PREX2: variants seen among roughly 807,000 people sequenced by gnomAD.
PREX2 encodes phosphatidylinositol 3,4,5-trisphosphate-dependent Rac exchanger 2 protein.
In PREX2, 107 loss-of-function variants were observed where a neutral mutation model predicts 203.2. That is an observed-to-expected ratio of 0.53 (90% CI 0.45 to 0.62). The LOEUF (loss-of-function observed/expected upper bound fraction) is 0.62, where lower values mean the gene tolerates loss of function less well. PREX2 is among the 20% of genes least tolerant of loss of function. The pLI is 0.00. For missense variants in PREX2, 1,777 were observed against 1,955.9 expected (o/e 0.91, Z 1.72); for synonymous variants, 672 against 663.6 (o/e 1.01, Z -0.19).
rs560967124 is a variant in PREX2, at chr8:68,154,505, A to G, written c.4232-2817A>G. ...GCTTTCCAGCTGTTAAGAGTAATTTATCTTGAAGTATGACTATTGACAGAC... is the reference window on the plus strand; with the variant it reads ...GCTTTCCAGCTGTTAAGAGTAATTTGTCTTGAAGTATGACTATTGACAGAC... On this transcript the variant is annotated intron_variant, in intron 34 of 39. Transcript: ENST00000288368. Among the ~76,000 whole-genome samples the G allele has an allele frequency of 2.4e-4, 37 of 152,368 alleles. 1 individual carries two copies. The highest frequency in any genetic ancestry group is 8.9e-4 in the African/African-American group (37 of 41,590).
At position 68,026,523 on chromosome 8, in the gene PREX2, T is replaced by A. The variant is rs78141690; in HGVS notation, c.442-699T>A. On this transcript the variant is annotated intron_variant, in intron 4 of 39. Transcript: ENST00000288368. Reference sequence around the variant, plus strand: ...TTTATGAAGGTAAAGGCTTTTTTTTTATCAGAGTCAGTTTTCTCTTGACCA... The same window carrying A: ...TTTATGAAGGTAAAGGCTTTTTTTTAATCAGAGTCAGTTTTCTCTTGACCA... Among the ~76,000 whole-genome samples the A allele has an allele frequency of 1.3e-3, 196 of 152,186 alleles. 5 individuals are homozygous for A. In the East Asian group the frequency reaches 0.031, roughly 24 times the overall value.
intron 23 of PREX2, chr8:68,103,474 T>G (rs1024382750): frequency 1.4e-5 from 7 of 501,166 alleles, no homozygotes; most frequent in Non-Finnish European, 2.8e-5. Flanking sequence ...AATTGTTTAT[T>G]CGTGTCAGCG....
intron 21 of PREX2, among the ~76,000 whole-genome samples, chr8:68,094,187 A>G (rs1809983522): frequency 1.3e-5 from 2 of 152,242 alleles, no homozygotes; most frequent in Admixed American, 6.5e-5. Flanking sequence ...ACTGAAATAC[A>G]GAATCTCAGC....
chr8:68,021,131 C>T (rs1260094805), intron 3 of PREX2, among the ~76,000 whole-genome samples: 1 of 152,096 alleles, frequency 6.6e-6, no homozygotes, highest in African/African-American at 2.4e-5. Context: ...TACAAATCCT[C>T]TTGTTTTAAA....
chr8:68,153,072 CATT>C (rs1811473880), intron 34 of PREX2, among the ~76,000 whole-genome samples: 1 of 152,272 alleles, frequency 6.6e-6, no homozygotes, highest in Non-Finnish European at 1.5e-5. Flanking sequence ...AATCACAAAA[CATT>C]ATTATGTATC....
intron 38 of PREX2, among the ~76,000 whole-genome samples, chr8:68,223,115 C>T (rs80279576): frequency 0.024 from 3,590 of 152,222 alleles, 157 homozygotes; most frequent in African/African-American, 0.082. Context: ...GAAATTTGAA[C>T]AAGATGCGCA....
chr8:68,025,061 T>C (rs1305078753), intron 4 of PREX2, among the ~76,000 whole-genome samples: 1 of 152,078 alleles, frequency 6.6e-6, no homozygotes, highest in Non-Finnish European at 1.5e-5. Flanking sequence ...CAGTCTTTTA[T>C]AGTTATGTAC....
chr8:68,147,875 A>T (rs1049745413), intron 34 of PREX2, among the ~76,000 whole-genome samples: 4 of 114,884 alleles, frequency 3.5e-5, no homozygotes, highest in Non-Finnish European at 7.3e-5. Context: ...AGATTCTATA[A>T]TGAAAAGGAA....
At chr8:68,164,451 A>G (rs1447488243) in intron 35 of PREX2, among the ~76,000 whole-genome samples, 2 of 151,870 alleles carry the variant, frequency 1.3e-5, no homozygotes, top group Non-Finnish European at 1.5e-5. Context: ...CTTGAATATC[A>G]GCTTTTAGTC....
intron 8 of PREX2, among the ~76,000 whole-genome samples, chr8:68,051,006 T>C (rs1808513027): frequency 6.6e-6 from 1 of 152,110 alleles, no homozygotes; most frequent in Non-Finnish European, 1.5e-5. Flanking sequence ...ACATGTAGTT[T>C]TGACTTGATT....
In PREX2 at chr8:67,952,424, C is replaced by A. The variant is rs1211237052; in HGVS notation, c.30C>A (p.Arg10=). 1 of 1,574,850 alleles carries A rather than the reference C, an allele frequency of 6.3e-7. No homozygotes were observed. Among genetic ancestry groups the A allele is most frequent in the East Asian group, 2.4e-5 (1 of 42,148 alleles). Residue 10 remains arginine, a synonymous_variant, in exon 1 of 40, where the codon CGC becomes CGA. Coordinates refer to ENST00000288368, the MANE Select transcript of PREX2 (RefSeq NM_024870.4). MSEDSRGDS[R]AESAKDLEKQ... ...GCGAGGACAGCCGCGGAGACAGCCG[C>A]GCCGAGAGCGCCAAGGACCTGGAGA...
chr8:68,067,530 C>A (rs1809053942), intron 11 of PREX2, among the ~76,000 whole-genome samples: 1 of 151,476 alleles, frequency 6.6e-6, no homozygotes, highest in African/African-American at 2.4e-5. Flanking sequence ...TTTAACATTT[C>A]TTTTTTCCAT....
chr8:68,095,744 C>T (rs537881893), intron 21 of PREX2, among the ~76,000 whole-genome samples: 82 of 151,640 alleles, frequency 5.4e-4, no homozygotes, highest in African/African-American at 1.9e-3. Flanking sequence ...TGAAGTGATC[C>T]GCCGTCAGTT....
intron 12 of PREX2, 31 bp downstream of exon 12, chr8:68,069,167 G>C (rs371761567): frequency 1.0e-6 from 1 of 971,508 alleles, no homozygotes; most frequent in African/African-American, 1.7e-5. Flanking sequence ...CTCTCCAATA[G>C]TAGAATGCAT....
chr8:68,161,097 CT>C (rs536376762), intron 35 of PREX2, among the ~76,000 whole-genome samples: 9 of 149,830 alleles, frequency 6.0e-5, no homozygotes, highest in Middle Eastern at 3.4e-3. Context: ...TTCTTTCTTT[CT>C]TTTTTTTTGG....
chr8:68,182,616 A>G (rs1386984441), intron 35 of PREX2, among the ~76,000 whole-genome samples: 3 of 152,024 alleles, frequency 2.0e-5, no homozygotes, highest in Non-Finnish European at 2.9e-5. Context: ...ATGTATATAT[A>G]TAGTTTCATA....
intron 35 of PREX2, among the ~76,000 whole-genome samples, chr8:68,157,794 T>A (rs1811570049): frequency 1.3e-5 from 2 of 152,044 alleles, no homozygotes; most frequent in African/African-American, 4.8e-5. Context: ...TTTCTCTATG[T>A]ACCACCAAAT....
chr8:68,085,145 A>C (rs1809643484), intron 18 of PREX2, among the ~76,000 whole-genome samples: 1 of 152,200 alleles, frequency 6.6e-6, no homozygotes, highest in African/African-American at 2.4e-5. Flanking sequence ...GGATAAGAGT[A>C]CCTGTGCCAT....
rs1470565101 is a variant in PREX2 at position 68,053,002 on chromosome 8, G to C, written c.944-95G>C. 45 of 1,062,414 alleles carry C rather than the reference G, an allele frequency of 4.2e-5. No homozygotes were observed. The South Asian group carries it at 7.3e-4, about 17-fold the overall frequency. 65.8% of individuals were successfully genotyped at this position (1,062,414 alleles called of 1,614,324 possible). A position where few individuals can be genotyped will look rare whatever the true frequency, so the allele number is the denominator to read the frequency against. ...AAGCAAAGAGATGTTGAACAATTCA[G>C]TGGTTTTGGAACTTTTGTGTATTGA... On this transcript the variant is annotated intron_variant, in intron 8 of 39. Transcript: ENST00000288368.
Sources: allele counts gnomAD v4.1 joint callset (sites outside exome capture counted in the v4.1 genomes callset), GRCh38; gene constraint gnomAD v4.1.1; transcripts MANE v1.5; gene names NCBI Gene and HGNC (gene_info 2026-07-23, HGNC 2026-07-21).